The following APTX variants were observed in gnomAD, a reference collection of about 807,000 sequenced individuals.
APTX encodes the protein forkhead-associated domain histidine triad-like protein.
Under a neutral mutation model 42.3 loss-of-function variants are expected in APTX, and 33 were observed. The observed-to-expected ratio is 0.78, with a 90% CI of 0.59 to 1.04. The LOEUF (loss-of-function observed/expected upper bound fraction) is 1.04, where lower values mean the gene tolerates loss of function less well. APTX is among the 50% of genes least tolerant of loss of function. The pLI, the probability that APTX is intolerant of heterozygous loss-of-function variation, is 0.00. For synonymous variants in APTX, 130 were observed against 146.7 expected (o/e 0.89, Z 0.82); for missense variants, 421 against 415.1 (o/e 1.01, Z -0.12).
At chr9:33,011,364 T>C (rs908640611) in intron 1 of APTX, among the ~76,000 whole-genome samples, 4 of 151,676 alleles carry the variant, frequency 2.6e-5, no homozygotes, top group African/African-American at 4.8e-5. Context: ...CTTGGCTCAC[T>C]GCAACCTCCG....
intron 1 of APTX, among the ~76,000 whole-genome samples, chr9:33,021,685 G>A (rs117820340): frequency 0.019 from 2,840 of 151,926 alleles, 50 homozygotes; most frequent in Non-Finnish European, 0.028. Flanking sequence ...GTTGGGGGGC[G>A]GATTTCACAT....
chr9:32,983,436 T>C (rs1223534446), intron 6 of APTX, among the ~76,000 whole-genome samples: 1 of 152,196 alleles, frequency 6.6e-6, no homozygotes, highest in African/African-American at 2.4e-5. Context: ...TTAATCAGAA[T>C]GATAGTGAAA....
At position 32,986,032 on chromosome 9, in the gene APTX, TAAAAAAAAAACAAAAAAAAAAAC is replaced by T. The variant is rs779869639; in HGVS notation, c.484-25_484-3del. 1,777 of 726,616 alleles carry T rather than the reference TAAAAAAAAAACAAAAAAAAAAAC, an allele frequency of 2.4e-3. 3 individuals are homozygous for T. The highest frequency in any genetic ancestry group is 3.0e-3 in the Non-Finnish European group (1,547 of 524,376). The allele number at this position is 726,616 out of a possible 1,614,324, so 45.0% of individuals were successfully genotyped here. ...TTGACTCCAGTGGCCCAGGGATTCC[TAAAAAAAAAACAAAAAAAAAAAC>T]AAAAAAAAAAAAAAACAAGCAATGT... On this transcript the variant is annotated splice_polypyrimidine_tract_variant and splice_region_variant and intron_variant, in intron 4 of 7. Transcript: ENST00000379817.
intron 1 of APTX, among the ~76,000 whole-genome samples, chr9:32,990,815 T>TA (rs1833434878): frequency 6.6e-6 from 1 of 152,228 alleles, no homozygotes; most frequent in African/African-American, 2.4e-5. Context: ...TAGGTGTCTT[T>TA]ATGTGTCATA....
chr9:32,983,108 T>C (rs772536164), intron 6 of APTX, among the ~76,000 whole-genome samples: 1 of 152,116 alleles, frequency 6.6e-6, no homozygotes, highest in Non-Finnish European at 1.5e-5. Context: ...GCTAATTTTT[T>C]GTATTTTTTG....
At chr9:32,994,376 T>C (rs568089121) in intron 1 of APTX, among the ~76,000 whole-genome samples, 2 of 152,280 alleles carry the variant, frequency 1.3e-5, no homozygotes, top group East Asian at 1.9e-4. Context: ...GGCCTGAAGT[T>C]AAGCTCATCA....
intron 1 of APTX, among the ~76,000 whole-genome samples, chr9:33,023,647 A>C (rs1337274421): frequency 2.0e-5 from 3 of 152,254 alleles, no homozygotes; most frequent in Non-Finnish European, 4.4e-5. Flanking sequence ...GCAACACCTA[A>C]GATTGAAAAA....
At chr9:33,013,488 A>T (rs1388421076) in intron 1 of APTX, among the ~76,000 whole-genome samples, 3 of 152,210 alleles carry the variant, frequency 2.0e-5, no homozygotes, top group African/African-American at 7.2e-5. Context: ...GATGAAGACA[A>T]CATCATGACT....
At chr9:32,991,566 G>A (rs1167189560) in intron 1 of APTX, among the ~76,000 whole-genome samples, 4 of 152,046 alleles carry the variant, frequency 2.6e-5, no homozygotes, top group African/African-American at 2.4e-5. Context: ...GGCGGATCAC[G>A]AGGTCAGGAG....
intron 1 of APTX, among the ~76,000 whole-genome samples, chr9:33,011,056 T>C (rs991342236): frequency 8.6e-5 from 13 of 151,400 alleles, no homozygotes; most frequent in African/African-American, 3.2e-4. Context: ...GGCATGAAAA[T>C]TGCTTGAACC....
rs1486094357 is a variant in APTX at position 32,987,656 on chromosome 9, A to C, written c.371T>G (p.Ile124Arg). ...AGCTTCCTGAGCAGCATCCCTTTCT[A>C]TAGAATCACTGTTGCCTGATCTCTT... is the stretch of plus-strand genomic sequence containing the variant. ...KRKRSGNSDS[I>R]ERDAAQEAEA... is the part of the protein sequence containing the mutation. Residue 124 changes from isoleucine to arginine, a missense_variant, in exon 4 of 8, where the codon ATA becomes AGA. Ile to Arg is a moderately conservative substitution (Grantham distance 97, BLOSUM62 -3). Coordinates refer to ENST00000379817, the MANE Select transcript of APTX (RefSeq NM_001195248.2). The C allele has an allele frequency of 1.2e-6, 2 of 1,614,088 alleles. No homozygotes were observed. The highest frequency in any genetic ancestry group is 1.7e-6 in the Non-Finnish European group (2 of 1,180,016).
rs1462714372 is a variant in APTX at position 32,984,780 on chromosome 9, C to T, written c.621G>A (p.Trp207Ter). ...CAGCCTTCAGACTGGAAATGGAGGT[C>T]CACGGTAAGACCAGCCAATGGTAAC... ...KARYHWLVLP[W>*]TSISSLKAVA... is the part of the protein sequence containing the mutation. Residue 207 changes from tryptophan to a stop codon, truncating the protein, a stop_gained, in exon 6 of 8, where the codon TGG becomes TGA. Transcript: ENST00000379817. LOFTEE classifies it high-confidence loss of function. 6.2e-7 allele frequency: 1 copy of T among 1,614,194 alleles called. No homozygotes were observed.
At chr9:32,985,915 G>C (rs1831886265) in intron 5 of APTX, 56 bp downstream of exon 5, 1 of 1,410,828 alleles carries the variant, frequency 7.1e-7, no homozygotes, top group South Asian at 1.2e-5. Context: ...TAAGACCTCT[G>C]TGGAGTGGTC....
At chr9:32,974,770 C>T (rs1245077553) in intron 6 of APTX, among the ~76,000 whole-genome samples, 2 of 151,998 alleles carry the variant, frequency 1.3e-5, no homozygotes. Context: ...GTACTATGGC[C>T]AAACACTGTT....
chr9:33,016,773 C>T (rs1837932116), intron 1 of APTX, among the ~76,000 whole-genome samples: 1 of 152,000 alleles, frequency 6.6e-6, no homozygotes, highest in African/African-American at 2.4e-5. Context: ...CAATTAGGCA[C>T]TCTGATGTTA....
At chr9:33,011,238 T>C (rs1299473018) in intron 1 of APTX, among the ~76,000 whole-genome samples, 2 of 152,052 alleles carry the variant, frequency 1.3e-5, no homozygotes, top group East Asian at 3.9e-4. Flanking sequence ...CATGTGGATA[T>C]CTGGGTGAAA....
rs375940447 is a variant in APTX, at chr9:32,995,112, A to C, written c.-4-5217T>G. ...GATAAATATTGTTTTCGTGCTTGAT[A>C]AAACAACATCCATTCTGCAGCCCAT... On this transcript the variant is annotated intron_variant, in intron 1 of 7. Transcript: ENST00000379817. Among the ~76,000 whole-genome samples the C allele has an allele frequency of 4.7e-4, 71 of 152,386 alleles. No homozygotes were observed. The South Asian group carries it at 0.015, about 32-fold the overall frequency.
intron 1 of APTX, among the ~76,000 whole-genome samples, chr9:33,024,038 GA>G (rs1450671177): frequency 1.3e-5 from 2 of 152,202 alleles, no homozygotes; most frequent in Non-Finnish European, 2.9e-5. Context: ...CTTTCCCAAA[GA>G]AATTCTCTCT....
chr9:32,989,231 G>T lies in APTX; in HGVS notation c.133+528C>A, dbSNP rs549161031. 3.5e-4 allele frequency among the ~76,000 whole-genome samples: 54 copies of T among 152,154 alleles called. 1 individual carries two copies. In the South Asian group the frequency reaches 9.4e-3, roughly 26 times the overall value. ...CAGAACCCTTGGGAAACCTTGCTGT[G>T]GGGGGGTCACACTCCAGCCAGCAGT... is the stretch of plus-strand genomic sequence containing the variant. On this transcript the variant is annotated intron_variant, in intron 2 of 7. Coordinates refer to ENST00000379817, the MANE Select transcript of APTX (RefSeq NM_001195248.2).
Sources: gnomAD v4.1 joint callset for allele counts (sites outside exome capture counted in the v4.1 genomes callset) on GRCh38, gnomAD v4.1.1 for gene constraint, MANE v1.5 for transcripts, NCBI Gene and HGNC (gene_info 2026-07-23, HGNC 2026-07-21) for gene names.